TNFRSF8: variants seen among roughly 807,000 people sequenced by gnomAD.
TNFRSF8 encodes tumor necrosis factor receptor superfamily member 8.
In TNFRSF8, 26 loss-of-function variants were observed where a neutral mutation model predicts 70.8. That is an observed-to-expected ratio of 0.37 (90% confidence interval 0.27 to 0.51). TNFRSF8 has a LOEUF of 0.51. Ranked by LOEUF, TNFRSF8 falls within the 20% of genes least tolerant of loss-of-function variation. TNFRSF8 has a pLI of 0.94. For missense variants in TNFRSF8, 720 were observed against 807.9 expected, an observed-to-expected ratio of 0.89 and a Z score of 1.32; for synonymous variants, 356 against 339.2, an observed-to-expected ratio of 1.05 and a Z score of -0.54.
intron 12 of TNFRSF8, among the ~76,000 whole-genome samples, chr1:12,128,692 G>C (rs987012305): frequency 2.6e-4 from 39 of 152,164 alleles, no homozygotes; most frequent in African/African-American, 8.4e-4. Flanking sequence ...TCTTTGCTGT[G>C]GAGCGCTATC....
At chr1:12,133,788 C>T (rs1172326941) in intron 12 of TNFRSF8, among the ~76,000 whole-genome samples, 1 of 149,970 alleles carries the variant, frequency 6.7e-6, no homozygotes, top group Non-Finnish European at 1.5e-5. Context: ...CAAGGTGGCT[C>T]ATGCCTGTAA....
chr1:12,105,547 TCTCA>T (rs1057166194), intron 4 of TNFRSF8, among the ~76,000 whole-genome samples: 198 of 123,888 alleles, frequency 1.6e-3, no homozygotes, highest in African/African-American at 1.5e-3. Flanking sequence ...TCTCTCTCTC[TCTCA>T]CTCACTCACT....
intron 10 of TNFRSF8, among the ~76,000 whole-genome samples, chr1:12,124,673 T>A (rs1414402108): frequency 6.6e-6 from 1 of 151,864 alleles, no homozygotes; most frequent in Non-Finnish European, 1.5e-5. Context: ...AATACAAAAA[T>A]TAGCCAGGCG....
intron 1 of TNFRSF8, among the ~76,000 whole-genome samples, chr1:12,066,648 C>T (rs556549334): frequency 1.1e-4 from 17 of 150,880 alleles, no homozygotes; most frequent in African/African-American, 2.7e-4. Flanking sequence ...CCACCGCCCC[C>T]GGCCTAAATT....
intron 1 of TNFRSF8, among the ~76,000 whole-genome samples, chr1:12,079,703 A>G (rs1211607609): frequency 6.6e-6 from 1 of 152,092 alleles, no homozygotes; most frequent in Non-Finnish European, 1.5e-5. Flanking sequence ...GGGATTTGAG[A>G]GGCACAGGCT....
chr1:12,078,577 CA>C lies in TNFRSF8; in HGVS notation c.64-5880del, dbSNP rs1000395528. Among the ~76,000 whole-genome samples the C allele has an allele frequency of 3.9e-5, 6 of 151,964 alleles. No homozygotes were observed. The South Asian group carries it at 8.3e-4, about 21-fold the overall frequency. On this transcript the variant is annotated intron_variant, in intron 1 of 14. Coordinates refer to ENST00000263932, the MANE Select transcript of TNFRSF8 (RefSeq NM_001243.5). ...AGTACTCTGTCTTAAAAAACAAAAACAAAAAAACCCTCAGTCTCATGGGGAG... is the reference window on the plus strand; with the variant it reads ...AGTACTCTGTCTTAAAAAACAAAAACAAAAAACCCTCAGTCTCATGGGGAG...
In TNFRSF8 at chr1:12,141,182, G is replaced by A. The variant is rs768403591; in HGVS notation, c.1544-1105G>A. Among the ~76,000 whole-genome samples the A allele has an allele frequency of 1.4e-4, 22 of 151,820 alleles. No individual in the cohort carries two copies. The highest frequency in any genetic ancestry group is 2.5e-4 in the Non-Finnish European group (17 of 67,942). Reference sequence around the variant, plus strand: ...TTTTTGGGGTTCCTGAATCCGAGGGGTATAACTGCATTACCCAGAAAGGCA... The same window carrying A: ...TTTTTGGGGTTCCTGAATCCGAGGGATATAACTGCATTACCCAGAAAGGCA... On this transcript the variant is annotated intron_variant, in intron 14 of 14. Transcript: ENST00000263932. The surrounding 1 kb of genome is among the most constrained non-coding windows in gnomAD (Gnocchi z 5.4).
rs1268564813 is a variant in TNFRSF8 at position 12,142,371 on chromosome 1, C to G, written c.1628C>G (p.Pro543Arg). Residue 543 changes from proline (P) to arginine (R), a missense_variant, in exon 15 of 15, where the codon CCA becomes CGA. By Grantham distance (103) the Pro-to-Arg change is moderately radical. Transcript: ENST00000263932. The surrounding 1 kb of genome is among the most constrained non-coding windows in gnomAD (Gnocchi z 5.0). ...CCGGAGGGCCGGGGCCTGGCGGGGC[C>G]AGCAGAGCCCGAGTTGGAGGAGGAG... The part of the protein sequence containing the change: ...ELPEGRGLAG[P>R]AEPELEEELE... 10 of 1,610,804 alleles carry G rather than the reference C, an allele frequency of 6.2e-6. No homozygotes were observed. Among genetic ancestry groups the G allele is most frequent in the Non-Finnish European group, 8.5e-6 (10 of 1,178,980 alleles).
chr1:12,117,822 C>A (rs1055416595), intron 8 of TNFRSF8, among the ~76,000 whole-genome samples: 1 of 152,150 alleles, frequency 6.6e-6, no homozygotes, highest in African/African-American at 2.4e-5. Context: ...TAAATAATTT[C>A]TCATGGTCCA....
At chr1:12,090,058 C>A (rs1189859667) in intron 2 of TNFRSF8, among the ~76,000 whole-genome samples, 1 of 142,592 alleles carries the variant, frequency 7.0e-6, no homozygotes, top group African/African-American at 2.9e-5. Flanking sequence ...CATCCATCTA[C>A]CCATCCATCC....
At chr1:12,131,950 T>C (rs1209674028) in intron 12 of TNFRSF8, among the ~76,000 whole-genome samples, 1 of 151,840 alleles carries the variant, frequency 6.6e-6, no homozygotes, top group Non-Finnish European at 1.5e-5. Context: ...CGCGCCACCA[T>C]GCCCAGCTAA....
At chr1:12,080,160 G>T (rs1007844609) in intron 1 of TNFRSF8, 4 of 431,494 alleles carry the variant, frequency 9.3e-6, no homozygotes, top group South Asian at 7.1e-5. Flanking sequence ...CGTTGGCCAG[G>T]CTGGTCTTGA....
At chr1:12,084,899 C>T (rs1260791443) in intron 2 of TNFRSF8, among the ~76,000 whole-genome samples, 1 of 152,140 alleles carries the variant, frequency 6.6e-6, no homozygotes, top group Non-Finnish European at 1.5e-5. Context: ...TTATTACACT[C>T]AATTTGCAGA....
At chr1:12,084,703 T>TC in intron 2 of TNFRSF8, 152 bp downstream of exon 2, 1 of 716,642 alleles carries the variant, frequency 1.4e-6, no homozygotes, top group Non-Finnish European at 2.4e-6. Context: ...TGTCGCGGAG[T>TC]CCAAGGACTC....
intron 1 of TNFRSF8, among the ~76,000 whole-genome samples, chr1:12,067,740 AT>A (rs1426867960): frequency 1.4e-4 from 21 of 152,146 alleles, no homozygotes; most frequent in African/African-American, 4.6e-4. Context: ...CCATCTAGCA[AT>A]TTAACTTTAA....
intron 1 of TNFRSF8, chr1:12,080,273 A>G: frequency 1.9e-6 from 1 of 521,720 alleles, no homozygotes; most frequent in Non-Finnish European, 3.8e-6. Flanking sequence ...TTTGTTGGCA[A>G]CATCCAAAGC....
intron 12 of TNFRSF8, among the ~76,000 whole-genome samples, chr1:12,127,079 T>C (rs1046809834): frequency 4.6e-5 from 7 of 152,214 alleles, no homozygotes; most frequent in South Asian, 4.1e-4. Flanking sequence ...GGGTCGTCTA[T>C]ACAGCGTGTG....
chr1:12,115,443 C>T, intron 7 of TNFRSF8, 134 bp from the exon 8 acceptor site: 1 of 983,344 alleles, frequency 1.0e-6, no homozygotes, highest in Non-Finnish European at 1.6e-6. Context: ...TGCTCAACGG[C>T]ATAGTCAGAC....
intron 12 of TNFRSF8, among the ~76,000 whole-genome samples, chr1:12,132,580 G>A (rs1242241577): frequency 2.0e-5 from 3 of 152,160 alleles, no homozygotes; most frequent in Non-Finnish European, 1.5e-5. Flanking sequence ...GCTCATGCCT[G>A]TAATCCCAGC....
Sources: gnomAD v4.1 joint callset for allele counts (sites outside exome capture counted in the v4.1 genomes callset) on GRCh38, gnomAD v4.1.1 for gene constraint, Gnocchi (gnomAD v3.1) non-coding constraint, MANE v1.5 for transcripts, NCBI Gene and HGNC (gene_info 2026-07-23, HGNC 2026-07-21) for gene names.